Variants in TPD52 observed in about 807,000 individuals in gnomAD.
TPD52 encodes tumor protein D52.
A neutral mutation model predicts 31.3 loss-of-function variants in TPD52; 17 were observed. The observed-to-expected ratio is 0.54, with a 90% CI of 0.37 to 0.82. The LOEUF (loss-of-function observed/expected upper bound fraction) is 0.82, where lower values mean the gene tolerates loss of function less well. Ranked by LOEUF, TPD52 falls within the 40% of genes least tolerant of loss-of-function variation. TPD52 has a pLI of 0.00. For missense variants in TPD52, 212 were observed against 240.1 expected (o/e 0.88, Z 0.77); for synonymous variants, 83 against 89.6 (o/e 0.93, Z 0.42).
At chr8:80,040,391 T>C (rs749628960) in intron 7 of TPD52, among the ~76,000 whole-genome samples, 1 of 151,980 alleles carries the variant, frequency 6.6e-6, no homozygotes, top group Non-Finnish European at 1.5e-5. Context: ...GGTTTTGCCA[T>C]GTTTCCCAGG....
intron 1 of TPD52, among the ~76,000 whole-genome samples, chr8:80,136,908 C>T (rs1333836288): frequency 6.6e-6 from 1 of 152,130 alleles, no homozygotes; most frequent in Non-Finnish European, 1.5e-5. Context: ...ATTATCCAGG[C>T]CCCAAAATTC....
chr8:80,080,504 C>A, intron 1 of TPD52: 1 of 1,602,944 alleles, frequency 6.2e-7, no homozygotes, highest in South Asian at 1.1e-5. Flanking sequence ...TATCAGCCTT[C>A]AGTTGAGTGC....
chr8:80,060,943 T>C (rs1208685321), intron 2 of TPD52, among the ~76,000 whole-genome samples: 1 of 152,184 alleles, frequency 6.6e-6, no homozygotes, highest in African/African-American at 2.4e-5. Context: ...TTACACAATA[T>C]TGTACTGAAG....
intron 2 of TPD52, among the ~76,000 whole-genome samples, chr8:80,063,929 GA>G (rs1356095194): frequency 5.5e-5 from 7 of 126,404 alleles, no homozygotes; most frequent in African/African-American, 8.9e-5. Context: ...GAGGGAGGGG[GA>G]GGGGGGGCGG....
intron 7 of TPD52, among the ~76,000 whole-genome samples, chr8:80,039,334 A>T (rs9886617): frequency 0.023 from 3,501 of 152,200 alleles, 94 homozygotes; most frequent in African/African-American, 0.06. Flanking sequence ...AACACTTTAT[A>T]TGGCAATAGC....
chr8:80,053,254 A>G (rs2130551291), intron 3 of TPD52, 28 bp downstream of exon 3: 2 of 1,610,258 alleles, frequency 1.2e-6, no homozygotes, highest in East Asian at 4.5e-5. Flanking sequence ...TACACTCCCA[A>G]GGAAAGTGTA....
At chr8:80,107,555 T>G (rs1447188262) in intron 1 of TPD52, among the ~76,000 whole-genome samples, 1 of 152,152 alleles carries the variant, frequency 6.6e-6, no homozygotes, top group African/African-American at 2.4e-5. Context: ...TCCTTCTGTC[T>G]GTCTTTGTAT....
At chr8:80,167,850 G>A (rs920857991) in intron 1 of TPD52, among the ~76,000 whole-genome samples, 2 of 152,106 alleles carry the variant, frequency 1.3e-5, no homozygotes, top group African/African-American at 4.8e-5. Context: ...CTAGTATAAT[G>A]TGTAGTGGGC....
intron 1 of TPD52, among the ~76,000 whole-genome samples, chr8:80,118,962 AC>A (rs1057437635): frequency 6.6e-6 from 1 of 152,158 alleles, no homozygotes; most frequent in African/African-American, 2.4e-5. Flanking sequence ...GTACAAAAAA[AC>A]ATGCACAAAT....
intron 1 of TPD52, among the ~76,000 whole-genome samples, chr8:80,154,827 G>GC (rs1554595122): frequency 6.6e-6 from 1 of 150,532 alleles, no homozygotes; most frequent in Non-Finnish European, 1.5e-5. Flanking sequence ...CCATTTCAGG[G>GC]TTTTTTTTCT....
intron 1 of TPD52, among the ~76,000 whole-genome samples, chr8:80,109,332 T>G (rs1563632729): frequency 1.3e-5 from 2 of 152,208 alleles, no homozygotes; most frequent in African/African-American, 2.4e-5. Flanking sequence ...ATCACTATTC[T>G]TACTGCACTT....
chr8:80,053,790 T>G (rs1211129516), intron 2 of TPD52, among the ~76,000 whole-genome samples: 1 of 152,218 alleles, frequency 6.6e-6, no homozygotes, highest in African/African-American at 2.4e-5. Flanking sequence ...CCTGTGGGTC[T>G]GCCTTCCCAG....
rs137978415 is a variant in TPD52 at position 80,064,564 on chromosome 8, C to T, written c.49G>A (p.Glu17Lys). The T allele has an allele frequency of 2.0e-3, 3,200 of 1,614,138 alleles. 90 individuals are homozygous for T. In the Admixed American group the frequency reaches 0.049, roughly 25 times the overall value. The change falls in exon 2 of 8, where the codon GAA becomes AAA. Residue 17 changes from glutamate (E) to lysine (K), a missense_variant. Glu to Lys is a moderately conservative substitution (Grantham distance 56). Coordinates refer to ENST00000518937, the MANE Select transcript of TPD52 (RefSeq NM_001025253.3). ...GLLRTDPVPEEGEDVAATISA... is the reference protein window; with the variant it reads ...GLLRTDPVPEKGEDVAATISA... ...ATCGTGGCAGCAACATCTTCTCCTT[C>T]CTCAGGGACTGGGTCTGTTCTCAGC...
chr8:80,057,349 T>C (rs1586177299), intron 2 of TPD52, among the ~76,000 whole-genome samples: 1 of 152,164 alleles, frequency 6.6e-6, no homozygotes, highest in Non-Finnish European at 1.5e-5. Flanking sequence ...CATTACTGGG[T>C]ATAGAAATTG....
intron 7 of TPD52, 137 bp downstream of exon 7, chr8:80,042,483 T>C: frequency 7.0e-7 from 1 of 1,433,720 alleles, no homozygotes; most frequent in Non-Finnish European, 9.1e-7. Context: ...TGTCCACTAG[T>C]AACATAAGGA....
At chr8:80,087,085 C>T (rs1296105456) in intron 1 of TPD52, among the ~76,000 whole-genome samples, 7 of 151,974 alleles carry the variant, frequency 4.6e-5, no homozygotes, top group African/African-American at 1.7e-4. Context: ...ACTGGTCAAC[C>T]GGATGGGGCT....
chr8:80,102,662 A>G (rs1806827913), intron 1 of TPD52, among the ~76,000 whole-genome samples: 2 of 152,158 alleles, frequency 1.3e-5, no homozygotes, highest in Admixed American at 1.3e-4. Context: ...AGCTCCTAAA[A>G]TCTTTGGAAT....
At chr8:80,157,079 A>G (rs1159453877) in intron 1 of TPD52, among the ~76,000 whole-genome samples, 1 of 152,178 alleles carries the variant, frequency 6.6e-6, no homozygotes, top group Non-Finnish European at 1.5e-5. Flanking sequence ...ATTGGAGGGA[A>G]TTCACAAAAT....
chr8:80,147,457 G>T (rs896622364), intron 1 of TPD52, among the ~76,000 whole-genome samples: 2 of 152,192 alleles, frequency 1.3e-5, no homozygotes, highest in African/African-American at 4.8e-5. Context: ...TGGTGACTCC[G>T]GTGGAGAGAG....
Sources: gnomAD v4.1 joint callset for allele counts (sites outside exome capture counted in the v4.1 genomes callset) on GRCh38, gnomAD v4.1.1 for gene constraint, MANE v1.5 for transcripts, NCBI Gene and HGNC (gene_info 2026-07-23, HGNC 2026-07-21) for gene names.